Variants in CCDC7 observed in about 807,000 individuals in gnomAD.
The protein encoded by CCDC7 is coiled-coil domain containing 7.
CCDC7 carries 183 observed loss-of-function variants against 196.9 expected under a neutral mutation model. That is an observed-to-expected ratio of 0.93 (90% CI 0.82 to 1.05). The LOEUF (loss-of-function observed/expected upper bound fraction) is 1.05, where lower values mean the gene tolerates loss of function less well. CCDC7 is among the 50% of genes least tolerant of loss of function. CCDC7 has a pLI of 0.00. For synonymous variants in CCDC7, 525 were observed against 484.6 expected, an observed-to-expected ratio of 1.08 and a Z score of -1.10; for missense variants, 1,540 against 1,482.2, an observed-to-expected ratio of 1.04 and a Z score of -0.64.
At chr10:32,780,063 C>T (rs980633097) in intron 29 of CCDC7, among the ~76,000 whole-genome samples, 1 of 152,218 alleles carries the variant, frequency 6.6e-6, no homozygotes, top group East Asian at 1.9e-4. Context: ...ATGGTGAAAC[C>T]CCGTCTCTAC....
At chr10:32,768,635 C>T (rs556485190) in intron 28 of CCDC7, among the ~76,000 whole-genome samples, 15 of 151,980 alleles carry the variant, frequency 9.9e-5, no homozygotes, top group East Asian at 7.7e-4. Flanking sequence ...GTGTTTAGTA[C>T]GATGTTGGCT....
chr10:32,451,457 A>G (rs769716566), upstream of CCDC7: 8 of 696,494 alleles, frequency 1.1e-5, no homozygotes, highest in East Asian at 2.2e-4. Context: ...AAAAGCCTGA[A>G]GTGTAATCAT....
intron 41 of CCDC7, among the ~76,000 whole-genome samples, chr10:32,861,199 G>T (rs183086072): frequency 6.8e-6 from 1 of 146,532 alleles, no homozygotes; most frequent in African/African-American, 2.5e-5. Context: ...AACCAAAACA[G>T]CATGGTACTG....
At chr10:32,541,703 A>G (rs17296163) in intron 11 of CCDC7, among the ~76,000 whole-genome samples, 6,308 of 152,282 alleles carry the variant, frequency 0.041, 131 homozygotes, top group Middle Eastern at 0.065. Flanking sequence ...CAAGGCTTGT[A>G]GAGGTCACCG....
rs41304593 is a variant in CCDC7 at position 32,689,028 on chromosome 10, G to A, written c.2234-25G>A. The A allele has an allele frequency of 8.3e-3, 11,330 of 1,360,680 alleles. 68 individuals are homozygous for A. The highest frequency in any genetic ancestry group is 0.011 in the Non-Finnish European group (10,136 of 958,310). The allele number at this position is 1,360,680 out of a possible 1,614,324, so 84.3% of individuals were successfully genotyped here. Reference sequence around the variant, plus strand: ...CAAATGGATTTATTTGTAATTTAGCGGACTAAACACATCTTTTTCTGTAGC... The same window carrying A: ...CAAATGGATTTATTTGTAATTTAGCAGACTAAACACATCTTTTTCTGTAGC... On this transcript the variant is annotated intron_variant, in intron 22 of 41. Transcript: ENST00000639629.
At chr10:32,830,056 C>A (rs1396464146) in intron 32 of CCDC7, among the ~76,000 whole-genome samples, 1 of 141,728 alleles carries the variant, frequency 7.1e-6, no homozygotes, top group East Asian at 2.1e-4. Flanking sequence ...TATTGTGGGA[C>A]CTTGTGATCA....
At chr10:32,495,447 A>T (rs2042769952) in intron 9 of CCDC7, among the ~76,000 whole-genome samples, 1 of 152,134 alleles carries the variant, frequency 6.6e-6, no homozygotes, top group South Asian at 2.1e-4. Flanking sequence ...TTGGTGTTTT[A>T]GTCATGAAGT....
intron 13 of CCDC7, among the ~76,000 whole-genome samples, chr10:32,564,354 A>G (rs1307975362): frequency 1.3e-5 from 2 of 152,186 alleles, no homozygotes; most frequent in African/African-American, 2.4e-5. Context: ...ATGCACACGT[A>G]TGTTTATTGT....
chr10:32,717,683 G>A (rs946823146), intron 25 of CCDC7, among the ~76,000 whole-genome samples: 2 of 152,042 alleles, frequency 1.3e-5, no homozygotes, highest in Admixed American at 1.3e-4. Flanking sequence ...AATAAAAAAT[G>A]ATAAAGGGGA....
chr10:32,846,058 T>C, intron 36 of CCDC7, 99 bp downstream of exon 37: 1 of 871,646 alleles, frequency 1.1e-6, no homozygotes. Flanking sequence ...ACCTGTATCA[T>C]AGTACTTTCC....
chr10:32,614,999 C>T (rs2062618749), intron 18 of CCDC7, among the ~76,000 whole-genome samples: 1 of 152,102 alleles, frequency 6.6e-6, no homozygotes, highest in Non-Finnish European at 1.5e-5. Flanking sequence ...AATAGTATTC[C>T]ATAGTGTGTG....
chr10:32,720,521 A>G (rs933214038), intron 25 of CCDC7, among the ~76,000 whole-genome samples: 12 of 152,108 alleles, frequency 7.9e-5, no homozygotes, highest in Non-Finnish European at 1.8e-4. Flanking sequence ...ATGTATACCT[A>G]TGTAACAAGC....
chr10:32,634,937 G>A (rs766253802), intron 19 of CCDC7, 120 bp from the exon 21 acceptor site: 139 of 392,948 alleles, frequency 3.5e-4, no homozygotes, highest in Non-Finnish European at 5.6e-4. Flanking sequence ...CTATTTTAAC[G>A]AATACCTCAC....
At chr10:32,846,816 C>T (rs990696700) in intron 37 of CCDC7, among the ~76,000 whole-genome samples, 3 of 152,182 alleles carry the variant, frequency 2.0e-5, no homozygotes, top group African/African-American at 4.8e-5. Context: ...CTGAAGACTG[C>T]GATGACAAGA....
intron 33 of CCDC7, among the ~76,000 whole-genome samples, 190 bp downstream of exon 34, chr10:32,835,088 G>C (rs557652260): frequency 6.6e-6 from 1 of 152,204 alleles, no homozygotes; most frequent in East Asian, 1.9e-4. Context: ...ATTAGTTTTA[G>C]AACTCATTTA....
intron 28 of CCDC7, among the ~76,000 whole-genome samples, chr10:32,739,305 C>T (rs2085412927): frequency 1.3e-5 from 2 of 151,948 alleles, no homozygotes; most frequent in African/African-American, 2.4e-5. Flanking sequence ...CCAAAGATCT[C>T]GGTATTCTGT....
chr10:32,612,698 G>A (rs974506699), intron 18 of CCDC7, among the ~76,000 whole-genome samples: 1 of 152,078 alleles, frequency 6.6e-6, no homozygotes, highest in African/African-American at 2.4e-5. Context: ...CACTGGTTCT[G>A]TTTATGTGAT....
intron 8 of CCDC7, among the ~76,000 whole-genome samples, chr10:32,483,532 G>A (rs1210615833): frequency 6.6e-6 from 1 of 152,156 alleles, no homozygotes; most frequent in African/African-American, 2.4e-5. Context: ...GGCTTTTGTT[G>A]CCATTGCTTT....
At chr10:32,479,915 T>G (rs868547004) in intron 8 of CCDC7, among the ~76,000 whole-genome samples, 32 of 152,034 alleles carry the variant, frequency 2.1e-4, no homozygotes, top group Admixed American at 3.3e-4. Flanking sequence ...GACTTTCTGT[T>G]TCTTCATGAT....
Sources: gnomAD v4.1 joint callset for allele counts (sites outside exome capture counted in the v4.1 genomes callset) on GRCh38, gnomAD v4.1.1 for gene constraint, MANE v1.5 for transcripts, NCBI Gene and HGNC (gene_info 2026-07-23, HGNC 2026-07-21) for gene names.